Variants in ATP10D observed in about 807,000 individuals in gnomAD.
ATP10D encodes the protein phospholipid-transporting ATPase VD.
ATP10D carries 89 observed loss-of-function variants against 144.8 expected under a neutral mutation model. That is an observed-to-expected ratio of 0.61 (90% CI 0.52 to 0.73). ATP10D has a LOEUF of 0.73. Ranked by LOEUF, ATP10D falls within the 30% of genes least tolerant of loss-of-function variation. The pLI is 0.00. For missense variants in ATP10D, 1,603 were observed against 1,714.8 expected, an observed-to-expected ratio of 0.93 and a Z score of 1.15; for synonymous variants, 571 against 615.1, an observed-to-expected ratio of 0.93 and a Z score of 1.06.
intron 19 of ATP10D, 37 bp downstream of exon 19, chr4:47,577,010 A>G (rs1560455399): frequency 6.3e-7 from 1 of 1,580,728 alleles, no homozygotes; most frequent in Admixed American, 1.7e-5. Context: ...ATGGATGCAT[A>G]TCCATTGTCA....
chr4:47,561,176 A>G, intron 14 of ATP10D, 101 bp downstream of exon 14: 1 of 1,456,156 alleles, frequency 6.9e-7, no homozygotes, highest in Non-Finnish European at 9.5e-7. Context: ...TAATAAACAT[A>G]TATGGTTCTG....
intron 9 of ATP10D, among the ~76,000 whole-genome samples, chr4:47,542,107 A>ATATATATATTTTTT (rs1577665179): frequency 1.3e-5 from 2 of 151,528 alleles, no homozygotes. Flanking sequence ...CATACAATAT[A>ATATATATATTTTTT]TTTTTTTAAC....
intron 9 of ATP10D, among the ~76,000 whole-genome samples, chr4:47,544,955 C>T (rs1317171822): frequency 3.3e-5 from 5 of 152,098 alleles, no homozygotes; most frequent in Non-Finnish European, 7.4e-5. Flanking sequence ...AAAATATTCA[C>T]AAATATATTA....
intron 1 of ATP10D, among the ~76,000 whole-genome samples, chr4:47,510,708 G>C (rs1238299989): frequency 3.9e-5 from 6 of 152,162 alleles, no homozygotes; most frequent in Non-Finnish European, 7.4e-5. Flanking sequence ...TGTTTGTTTA[G>C]TTAGTCCTGT....
Position 47,536,742 on chromosome 4 carries a change from A to G in ATP10D, c.1200A>G (p.Ile400Met), listed in dbSNP as rs747849029. Residue 400 changes from isoleucine (I) to methionine (M), a missense_variant, in exon 9 of 23, where the codon ATA (isoleucine) becomes ATG (methionine). By Grantham distance (10) the Ile-to-Met change is conservative (BLOSUM62 1). Transcript: ENST00000273859. The part of the protein sequence containing the change: ...VSIEIVKLGQ[I>M]YFIQSDVDFY... ...TCGAAATTGTGAAGCTTGGACAAAT[A>G]TATTTCATTCAAAGTGATGTGGATT... is the stretch of plus-strand genomic sequence containing the variant. 5.0e-6 allele frequency: 8 copies of G among 1,613,334 alleles called. No homozygotes were observed. In the East Asian group the frequency reaches 8.9e-5, roughly 18 times the overall value.
intron 15 of ATP10D, among the ~76,000 whole-genome samples, chr4:47,568,543 G>T (rs571671083): frequency 6.6e-6 from 1 of 152,270 alleles, no homozygotes; most frequent in East Asian, 1.9e-4. Context: ...GGCAGAATGA[G>T]ACCAGAGGAC....
In ATP10D at chr4:47,558,235, A is replaced by G; in HGVS notation, c.2396A>G (p.Asp799Gly). The G allele has an allele frequency of 6.2e-7, 1 of 1,614,112 alleles. No homozygotes were observed. The highest frequency in any genetic ancestry group is 8.5e-7 in the Non-Finnish European group (1 of 1,179,950). ...NQVVVYTKGA[D>G]SVIMELLSVA... ...GTTGTGGTGTATACGAAAGGCGCTGATTCTGTGATCATGGAGTTACTGTCG... is the reference window on the plus strand; with the variant it reads ...GTTGTGGTGTATACGAAAGGCGCTGGTTCTGTGATCATGGAGTTACTGTCG... The change falls in exon 12 of 23, where the codon GAT becomes GGT. Residue 799 changes from aspartate to glycine, a missense_variant. Coordinates refer to ENST00000273859, the MANE Select transcript of ATP10D (RefSeq NM_020453.4).
At chr4:47,588,836 A>C (rs1720902908) in intron 22 of ATP10D, among the ~76,000 whole-genome samples, 1 of 152,244 alleles carries the variant, frequency 6.6e-6, no homozygotes, top group South Asian at 2.1e-4. Context: ...TTTAGCTTTA[A>C]AAATTCTGGG....
In ATP10D at chr4:47,557,667, A is replaced by G. The variant is rs769505364; in HGVS notation, c.1828A>G (p.Arg610Gly). ...SAPNQPRQKI[R>G]HPSLGGLPIK... Reference sequence around the variant, plus strand: ...CTTTCTAAATTGTCTTTCATAGATCAGACACCCTTCACTGGGGGGGTTGCC... The same window carrying G: ...CTTTCTAAATTGTCTTTCATAGATCGGACACCCTTCACTGGGGGGGTTGCC... The change falls in exon 12 of 23, where the codon AGA becomes GGA. Residue 610 changes from arginine (R) to glycine (G), a missense_variant. By Grantham distance (125) the Arg-to-Gly change is moderately radical. Transcript: ENST00000273859. 3 of 1,605,514 alleles carry G rather than the reference A, an allele frequency of 1.9e-6. No homozygotes were observed. Among genetic ancestry groups the G allele is most frequent in the African/African-American group, 1.3e-5 (1 of 74,696 alleles).
intron 1 of ATP10D, among the ~76,000 whole-genome samples, chr4:47,504,455 G>A (rs1006776655): frequency 6.6e-6 from 1 of 152,176 alleles, no homozygotes; most frequent in Non-Finnish European, 1.5e-5. Context: ...TATAGAGAGT[G>A]TTGAACAAGT....
chr4:47,541,509 G>T (rs1718134330), intron 9 of ATP10D, among the ~76,000 whole-genome samples: 1 of 152,176 alleles, frequency 6.6e-6, no homozygotes, highest in Non-Finnish European at 1.5e-5. Context: ...TATATATCAA[G>T]GATATATGGG....
intron 1 of ATP10D, among the ~76,000 whole-genome samples, chr4:47,502,391 A>G (rs992970948): frequency 6.6e-6 from 1 of 151,704 alleles, no homozygotes; most frequent in Non-Finnish European, 1.5e-5. Flanking sequence ...AATGGCGTGA[A>G]CCCAGGAGGC....
In ATP10D at chr4:47,591,609, A is replaced by G. The variant is rs1721054175; in HGVS notation, c.*228A>G. 1 of 341,470 alleles carries G rather than the reference A, an allele frequency of 2.9e-6. No homozygotes were observed. The highest frequency in any genetic ancestry group is 2.1e-5 in the African/African-American group (1 of 47,186). 21.2% of individuals were successfully genotyped at this position (341,470 alleles called of 1,614,324 possible). On this transcript the variant is annotated 3_prime_UTR_variant, in exon 23 of 23. Transcript: ENST00000273859. ...AAGGAAGTGAAATATTTAATTCAGAACCAAATGCTTTTGTAAAACTTTTTG... is the reference window on the plus strand; with the variant it reads ...AAGGAAGTGAAATATTTAATTCAGAGCCAAATGCTTTTGTAAAACTTTTTG...
chr4:47,591,217 A>G lies in ATP10D; in HGVS notation c.4117A>G (p.Arg1373Gly), dbSNP rs549860330. The change falls in exon 23 of 23, where the codon AGA becomes GGA. Residue 1373 changes from arginine (R) to glycine (G), a missense_variant. Arg to Gly is a moderately radical substitution (Grantham distance 125, BLOSUM62 -2). Transcript: ENST00000273859. Reference sequence around the variant, plus strand: ...TAACCAATCAGCTGGCAAGTCAGGAAGAAGACCCATGCCTGGCCCTTCTGC... The same window carrying G: ...TAACCAATCAGCTGGCAAGTCAGGAGGAAGACCCATGCCTGGCCCTTCTGC... ...YANQSAGKSG[R>G]RPMPGPSAVF... is the part of the protein sequence containing the mutation. 6 of 1,613,620 alleles carry G rather than the reference A, an allele frequency of 3.7e-6. No individual in the cohort carries two copies. The highest frequency in any genetic ancestry group is 2.2e-5 in the East Asian group (1 of 44,876).
intron 17 of ATP10D, among the ~76,000 whole-genome samples, chr4:47,572,644 C>CGTGTGTGTGTGTGTGT (rs72171059): frequency 1.6e-4 from 23 of 145,306 alleles, no homozygotes; most frequent in Non-Finnish European, 3.2e-4. Flanking sequence ...TTTGTGCGCA[C>CGTGTGTGTGTGTGTGT]GTGTGTGTGT....
In ATP10D at chr4:47,558,287, A is replaced by G. The variant is rs769665565; in HGVS notation, c.2434+14A>G. The G allele has an allele frequency of 6.2e-6, 10 of 1,607,234 alleles. No individual in the cohort carries two copies. In the African/African-American group the frequency reaches 1.3e-4, roughly 22 times the overall value. On this transcript the variant is annotated intron_variant, in intron 12 of 22. Coordinates refer to ENST00000273859, the MANE Select transcript of ATP10D (RefSeq NM_020453.4). ...TGGCTTCCCCAGGTAAGTTTATACA[A>G]AAGTGAAATAGTAGTGATTTGAAAA...
chr4:47,487,048 T>C (rs1211204869), intron 1 of ATP10D, among the ~76,000 whole-genome samples: 1 of 151,970 alleles, frequency 6.6e-6, no homozygotes. Context: ...CTGACCAACA[T>C]GGCGAAACCC....
In ATP10D at chr4:47,536,676, A is replaced by T. The variant is rs759778325; in HGVS notation, c.1144-10A>T. 1 of 1,599,820 alleles carries T rather than the reference A, an allele frequency of 6.3e-7. No individual in the cohort carries two copies. ...CGTTAACATTTTAAAACTTGTTTGG[A>T]TCTTCTTAGGTCTTGATTCCTATTT... On this transcript the variant is annotated splice_polypyrimidine_tract_variant and intron_variant, in intron 8 of 22. Transcript: ENST00000273859.
At chr4:47,575,866 A>T (rs1720201421) in intron 18 of ATP10D, among the ~76,000 whole-genome samples, 1 of 144,896 alleles carries the variant, frequency 6.9e-6, no homozygotes, top group Admixed American at 6.9e-5. Flanking sequence ...TGGATTGTAG[A>T]TTTCTCATTA....
Sources: gnomAD v4.1 joint callset for allele counts (sites outside exome capture counted in the v4.1 genomes callset) on GRCh38, gnomAD v4.1.1 for gene constraint, MANE v1.5 for transcripts, NCBI Gene and HGNC (gene_info 2026-07-23, HGNC 2026-07-21) for gene names.